ERBB4: variants seen among roughly 807,000 people sequenced by gnomAD.
The protein encoded by ERBB4 is receptor tyrosine-protein kinase erbB-4.
A neutral mutation model predicts 158.0 loss-of-function variants in ERBB4; 42 were observed. The observed-to-expected ratio is 0.27, with a 90% confidence interval of 0.21 to 0.34. The LOEUF (loss-of-function observed/expected upper bound fraction) is 0.34. Ranked by LOEUF, ERBB4 falls within the 10% of genes least tolerant of loss-of-function variation. The pLI is 1.00. For missense variants in ERBB4, 1,333 were observed against 1,624.1 expected (o/e 0.82, Z 3.08); for synonymous variants, 583 against 558.7 (o/e 1.04, Z -0.61).
At chr2:211,801,555 GTAATA>G (rs746213492) in intron 3 of ERBB4, among the ~76,000 whole-genome samples, 41 of 152,032 alleles carry the variant, frequency 2.7e-4, no homozygotes, top group Non-Finnish European at 5.0e-4. Context: ...GAGTTAAAAG[GTAATA>G]TAATATATTG....
intron 2 of ERBB4, among the ~76,000 whole-genome samples, chr2:212,080,333 T>A: frequency 6.7e-6 from 1 of 149,058 alleles, no homozygotes; most frequent in African/African-American, 2.5e-5. Flanking sequence ...AGAATAAAAA[T>A]AAAAATTAAA....
chr2:212,422,929 A>G (rs781066813), intron 1 of ERBB4, among the ~76,000 whole-genome samples: 1 of 152,232 alleles, frequency 6.6e-6, no homozygotes, highest in African/African-American at 2.4e-5. Flanking sequence ...TATATCAGTC[A>G]TTGCTAACAG....
intron 3 of ERBB4, among the ~76,000 whole-genome samples, chr2:211,806,802 A>C (rs1460275120): frequency 1.3e-5 from 2 of 152,176 alleles, no homozygotes; most frequent in Non-Finnish European, 2.9e-5. Context: ...ATCATAGTAC[A>C]TTCTTCCCTC....
chr2:211,387,114 C>T lies in ERBB4; in HGVS notation c.3220G>A (p.Glu1074Lys), dbSNP rs2125320414. ...CTGTAGGGCACAGACACTCCTTGTT[C>T]AGCAGCAAAACCTCCATCTCGGTAT... Reference protein sequence around the residue: ...FVYRDGGFAAEQGVSVPYRAP... With the variant: ...FVYRDGGFAAKQGVSVPYRAP... Residue 1074 changes from glutamate to lysine, a missense_variant, in exon 27 of 28, where the codon GAA (glutamate) becomes AAA (lysine). Transcript: ENST00000342788. 1 of 1,613,976 alleles carries T rather than the reference C, an allele frequency of 6.2e-7. No homozygotes were observed.
intron 2 of ERBB4, among the ~76,000 whole-genome samples, chr2:211,972,033 G>A (rs1016710814): frequency 1.1e-3 from 165 of 152,182 alleles, no homozygotes; most frequent in Non-Finnish European, 2.5e-4. Flanking sequence ...TCAGCCCAAA[G>A]GCTTCTTAAG....
intron 4 of ERBB4, among the ~76,000 whole-genome samples, chr2:211,773,642 ATATAT>A (rs2075792819): frequency 4.5e-5 from 4 of 89,260 alleles, no homozygotes; most frequent in East Asian, 5.3e-4. Flanking sequence ...ATATATATAT[ATATAT>A]AATATATATA....
chr2:211,975,668 A>G lies in ERBB4; in HGVS notation c.235-28052T>C, dbSNP rs538500907. On this transcript the variant is annotated intron_variant, in intron 2 of 27. Coordinates refer to ENST00000342788, the MANE Select transcript of ERBB4 (RefSeq NM_005235.3). ...TATTCTTTGGCAATTTATCAATATT[A>G]GAATGTCTTACCTGAGAATTTATGC... Among the ~76,000 whole-genome samples, 23 of 152,320 alleles carry G rather than the reference A, an allele frequency of 1.5e-4. 1 individual carries two copies. The South Asian group carries it at 3.9e-3, about 26-fold the overall frequency.
intron 1 of ERBB4, among the ~76,000 whole-genome samples, chr2:212,390,205 C>G (rs2090813367): frequency 6.6e-6 from 1 of 151,726 alleles, no homozygotes; most frequent in African/African-American, 2.4e-5. Context: ...AGTCATACCA[C>G]AAAAGAAATT....
chr2:212,441,382 C>G (rs11888412), intron 1 of ERBB4, among the ~76,000 whole-genome samples: 170 of 152,288 alleles, frequency 1.1e-3, no homozygotes, highest in African/African-American at 4.0e-3. Flanking sequence ...AGTTGCCAGG[C>G]ATGATAATGT....
At chr2:212,174,730 T>C (rs1050412827) in intron 1 of ERBB4, among the ~76,000 whole-genome samples, 1 of 152,052 alleles carries the variant, frequency 6.6e-6, no homozygotes, top group African/African-American at 2.4e-5. Context: ...TTGATGTCTA[T>C]CATGAGTACA....
At chr2:212,203,232 T>C (rs2082640103) in intron 1 of ERBB4, among the ~76,000 whole-genome samples, 1 of 152,138 alleles carries the variant, frequency 6.6e-6, no homozygotes, top group Admixed American at 6.5e-5. Flanking sequence ...TGGTAGGCTC[T>C]CCTGGAAAGT....
chr2:212,296,579 A>G (rs375043233), intron 1 of ERBB4, among the ~76,000 whole-genome samples: 6 of 151,946 alleles, frequency 3.9e-5, no homozygotes, highest in African/African-American at 1.4e-4. Context: ...CTCTGCCTCT[A>G]TAACAGATAA....
chr2:212,110,811 G>T (rs1381163393), intron 2 of ERBB4, among the ~76,000 whole-genome samples: 2 of 152,202 alleles, frequency 1.3e-5, no homozygotes, highest in African/African-American at 4.8e-5. Flanking sequence ...GCCCCAAATG[G>T]CTGAAGCACA....
At chr2:211,669,774 T>C (rs2071769331) in intron 14 of ERBB4, among the ~76,000 whole-genome samples, 1 of 152,178 alleles carries the variant, frequency 6.6e-6, no homozygotes, top group African/African-American at 2.4e-5. Flanking sequence ...CTGAAGACAT[T>C]GTTTCCTGGG....
chr2:212,470,485 T>A (rs1378848079), intron 1 of ERBB4, among the ~76,000 whole-genome samples: 1 of 152,286 alleles, frequency 6.6e-6, no homozygotes, highest in East Asian at 1.9e-4. Flanking sequence ...TTCTCTGAGG[T>A]TTTCCAAATT....
chr2:211,571,043 T>TC (rs1481184544), intron 19 of ERBB4, among the ~76,000 whole-genome samples: 25 of 129,528 alleles, frequency 1.9e-4, no homozygotes, highest in African/African-American at 4.9e-4. Context: ...CTCTTCTTCT[T>TC]TTTTTTTTTT....
intron 3 of ERBB4, among the ~76,000 whole-genome samples, chr2:211,895,265 T>G (rs763409122): frequency 1.3e-4 from 20 of 152,248 alleles, no homozygotes; most frequent in Non-Finnish European, 2.4e-4. Context: ...TTATCTTTTT[T>G]GTTGTTGTTG....
chr2:211,678,896 G>A (rs1386943536), intron 13 of ERBB4, among the ~76,000 whole-genome samples, 156 bp downstream of exon 13: 1 of 150,596 alleles, frequency 6.6e-6, no homozygotes, highest in Non-Finnish European at 1.5e-5. Context: ...GAACCCAGGA[G>A]GCGGAGCTTG....
In ERBB4 at chr2:212,505,179, C is replaced by A. The variant is rs181271299; in HGVS notation, c.82+33270G>T. ...TGGCACAATCGAAGCTCACTGCAAC[C>A]TCTGCCTCCCGGGTTCAAGCGATTC... On this transcript the variant is annotated intron_variant, in intron 1 of 27. Transcript: ENST00000342788. Among the ~76,000 whole-genome samples, 30 of 152,326 alleles carry A rather than the reference C, an allele frequency of 2.0e-4. No homozygotes were observed. The East Asian group carries it at 5.6e-3, about 28-fold the overall frequency.
Sources: allele counts gnomAD v4.1 joint callset (sites outside exome capture counted in the v4.1 genomes callset), GRCh38; gene constraint gnomAD v4.1.1; transcripts MANE v1.5; gene names NCBI Gene and HGNC (gene_info 2026-07-23, HGNC 2026-07-21).